The following QRFPR variants were observed in gnomAD, a reference collection of about 807,000 sequenced individuals.
QRFPR encodes pyroglutamylated RFamide peptide receptor.
A neutral mutation model predicts 31.3 loss-of-function variants in QRFPR; 37 were observed. The observed-to-expected ratio is 1.18, with a 90% CI of 0.91 to 1.56. The LOEUF (loss-of-function observed/expected upper bound fraction) is 1.56. QRFPR is among the 40% of genes most tolerant of loss of function. The pLI is 0.00. For synonymous variants in QRFPR, 197 were observed against 192.0 expected (o/e 1.03, Z -0.22); for missense variants, 542 against 532.5 (o/e 1.02, Z -0.18).
At chr4:121,347,598 C>G (rs934067248) in intron 1 of QRFPR, among the ~76,000 whole-genome samples, 1 of 152,100 alleles carries the variant, frequency 6.6e-6, no homozygotes, top group Non-Finnish European at 1.5e-5. Context: ...TATTAACGCC[C>G]TCTCCATTAG....
At chr4:121,339,065 C>T (rs1725489564) in intron 2 of QRFPR, among the ~76,000 whole-genome samples, 1 of 152,192 alleles carries the variant, frequency 6.6e-6, no homozygotes, top group South Asian at 2.1e-4. Context: ...ACCTTTCTCC[C>T]CTAATGATTC....
intron 1 of QRFPR, among the ~76,000 whole-genome samples, chr4:121,359,576 A>G (rs1725939910): frequency 6.6e-6 from 1 of 152,034 alleles, no homozygotes; most frequent in South Asian, 2.1e-4. Context: ...GCTTGCAGAC[A>G]GCCTATTGTG....
chr4:121,349,567 A>G (rs1725723855), intron 1 of QRFPR, among the ~76,000 whole-genome samples: 1 of 152,172 alleles, frequency 6.6e-6, no homozygotes, highest in African/African-American at 2.4e-5. Flanking sequence ...TTATGAAGTC[A>G]GTCTCATCTT....
intron 1 of QRFPR, among the ~76,000 whole-genome samples, chr4:121,364,486 C>G (rs1410669733): frequency 1.3e-5 from 2 of 148,416 alleles, no homozygotes; most frequent in East Asian, 4.1e-4. Flanking sequence ...AATACAAAAA[C>G]AAAATTAGCC....
chr4:121,349,931 G>A (rs1157809943), intron 1 of QRFPR, among the ~76,000 whole-genome samples: 2 of 152,034 alleles, frequency 1.3e-5, no homozygotes, highest in African/African-American at 2.4e-5. Context: ...GAAAAATGCA[G>A]GTAAAATTTA....
At chr4:121,360,802 C>T (rs1325755256) in intron 1 of QRFPR, among the ~76,000 whole-genome samples, 1 of 152,082 alleles carries the variant, frequency 6.6e-6, no homozygotes, top group East Asian at 1.9e-4. Context: ...CTGCATCTTC[C>T]CTTTCTTTCC....
At chr4:121,367,590 C>G (rs887705933) in intron 1 of QRFPR, among the ~76,000 whole-genome samples, 1 of 150,314 alleles carries the variant, frequency 6.7e-6, no homozygotes, top group Non-Finnish European at 1.5e-5. Flanking sequence ...AACAGTGCAA[C>G]AAGTTTTTAA....
intron 1 of QRFPR, among the ~76,000 whole-genome samples, chr4:121,342,813 C>T (rs1380053508): frequency 6.6e-6 from 1 of 152,060 alleles, no homozygotes; most frequent in Non-Finnish European, 1.5e-5. Flanking sequence ...GCTCATCACT[C>T]CTAAAGGCAT....
At chr4:121,351,069 C>T (rs1725752328) in intron 1 of QRFPR, among the ~76,000 whole-genome samples, 1 of 152,160 alleles carries the variant, frequency 6.6e-6, no homozygotes, top group Non-Finnish European at 1.5e-5. Flanking sequence ...CAAACCTGCA[C>T]ATCCTGCACA....
chr4:121,355,509 A>T (rs979346796), intron 1 of QRFPR, among the ~76,000 whole-genome samples: 64 of 152,020 alleles, frequency 4.2e-4, no homozygotes, highest in African/African-American at 1.5e-3. Context: ...CAAGAAAACA[A>T]CTTTTCCTTT....
At chr4:121,352,682 G>A (rs182093774) in intron 1 of QRFPR, among the ~76,000 whole-genome samples, 8 of 151,982 alleles carry the variant, frequency 5.3e-5, no homozygotes, top group African/African-American at 1.9e-4. Context: ...TGGTCACTGG[G>A]GTATTCGTCA....
At position 121,329,545 on chromosome 4, in the gene QRFPR, G is replaced by C; in HGVS notation, c.1065C>G (p.Thr355=). ...SAVCYCIVNK[T]FSPAQRHGNS... ...TTCCATGCCTTTGTGCTGGAGAGAA[G>C]GTTTTATTTACTATGCAATAACAAA... The change falls in exon 6 of 6, where the codon ACC becomes ACG. Residue 355 remains threonine (T), a synonymous_variant. Coordinates refer to ENST00000394427, the MANE Select transcript of QRFPR (RefSeq NM_198179.3). 1 of 1,613,606 alleles carries C rather than the reference G, an allele frequency of 6.2e-7. No homozygotes were observed. Among genetic ancestry groups the C allele is most frequent in the Non-Finnish European group, 8.5e-7 (1 of 1,179,798 alleles).
Position 121,329,586 on chromosome 4 carries a change from T to A in QRFPR, c.1024A>T (p.Asn342Tyr). Residue 342 changes from asparagine (N) to tyrosine (Y), a missense_variant, in exon 6 of 6, where the codon AAT (asparagine) becomes TAT (tyrosine). Coordinates refer to ENST00000394427, the MANE Select transcript of QRFPR (RefSeq NM_198179.3). Reference sequence around the variant, plus strand: ...CAATAACAAACTGCAGACAAAACATTTTTTTTGAAGTTTTCATTCATAAAT... The same window carrying A: ...CAATAACAAACTGCAGACAAAACATATTTTTTGAAGTTTTCATTCATAAAT... ...YAFMNENFKK[N>Y]VLSAVCYCIV... The A allele has an allele frequency of 6.2e-7, 1 of 1,612,994 alleles. No individual in the cohort carries two copies. Among genetic ancestry groups the A allele is most frequent in the Non-Finnish European group, 8.5e-7 (1 of 1,179,780 alleles).
intron 1 of QRFPR, among the ~76,000 whole-genome samples, chr4:121,346,951 C>T (rs1725662923): frequency 1.3e-5 from 2 of 152,038 alleles, no homozygotes; most frequent in Admixed American, 6.6e-5. Flanking sequence ...TTTGTGTGCC[C>T]ATGTTCATAA....
intron 4 of QRFPR, among the ~76,000 whole-genome samples, chr4:121,330,860 G>T (rs898127930): frequency 6.6e-6 from 1 of 152,136 alleles, no homozygotes; most frequent in Non-Finnish European, 1.5e-5. Context: ...GCTAGTAAAG[G>T]CTGTATCTTG....
chr4:121,358,793 CAATGTTCTA>C (rs1383675529), intron 1 of QRFPR, among the ~76,000 whole-genome samples: 1 of 152,208 alleles, frequency 6.6e-6, no homozygotes, highest in Non-Finnish European at 1.5e-5. Flanking sequence ...ACACTGATCA[CAATGTTCTA>C]AGTTATAAAA....
chr4:121,362,286 G>T (rs1183099134), intron 1 of QRFPR, among the ~76,000 whole-genome samples: 1 of 149,976 alleles, frequency 6.7e-6, no homozygotes, highest in Non-Finnish European at 1.5e-5. Flanking sequence ...AATATGGCTG[G>T]TTTTCTTTTA....
chr4:121,340,366 C>T, intron 2 of QRFPR, 86 bp downstream of exon 2: 1 of 1,384,098 alleles, frequency 7.2e-7, no homozygotes, highest in Middle Eastern at 1.8e-4. Context: ...AGATAAGAAG[C>T]TACTCTTCTA....
At chr4:121,331,219 C>T (rs970424337) in intron 4 of QRFPR, among the ~76,000 whole-genome samples, 3 of 113,380 alleles carry the variant, frequency 2.6e-5, no homozygotes, top group African/African-American at 7.1e-5. Context: ...AGGTCTTACT[C>T]GGTTGCCCAG....
Sources: allele counts gnomAD v4.1 joint callset (sites outside exome capture counted in the v4.1 genomes callset), GRCh38; gene constraint gnomAD v4.1.1; transcripts MANE v1.5; gene names NCBI Gene and HGNC (gene_info 2026-07-23, HGNC 2026-07-21).